Variants in XPR1 observed in about 807,000 individuals in gnomAD.
The protein encoded by XPR1 is xenotropic and polytropic retrovirus receptor 1.
Under a neutral mutation model 87.5 loss-of-function variants are expected in XPR1, and 28 were observed. That is an observed-to-expected ratio of 0.32 (90% CI 0.24 to 0.44). XPR1 has a LOEUF of 0.44. Among genes scored for constraint, XPR1 ranks in the 20% least tolerant of loss-of-function variants. The pLI is 1.00. For missense variants in XPR1, 559 were observed against 862.3 expected, an observed-to-expected ratio of 0.65 and a Z score of 4.41; for synonymous variants, 300 against 306.1, an observed-to-expected ratio of 0.98 and a Z score of 0.21.
intron 2 of XPR1, among the ~76,000 whole-genome samples, chr1:180,689,670 A>G (rs1656913729): frequency 6.6e-6 from 1 of 152,216 alleles, no homozygotes. Flanking sequence ...AACATCAGGC[A>G]TAAACTAGAG....
At chr1:180,869,566 G>T (rs1389523476) in intron 12 of XPR1, among the ~76,000 whole-genome samples, 532 of 107,030 alleles carry the variant, frequency 5.0e-3, no homozygotes, top group Non-Finnish European at 5.6e-3. Context: ...GTCGAGGAAT[G>T]TATCCATTTC....
At chr1:180,800,587 A>G (rs769688933) in intron 3 of XPR1, among the ~76,000 whole-genome samples, 1 of 152,220 alleles carries the variant, frequency 6.6e-6, no homozygotes, top group Non-Finnish European at 1.5e-5. Context: ...TTGGACTTCT[A>G]ACCTACAAAA....
intron 1 of XPR1, among the ~76,000 whole-genome samples, chr1:180,646,331 T>C (rs1213643697): frequency 6.6e-6 from 1 of 152,140 alleles, no homozygotes. Flanking sequence ...AGAATGATGC[T>C]CTCAGTGCAG....
intron 9 of XPR1, among the ~76,000 whole-genome samples, chr1:180,827,574 G>A (rs1366243747): frequency 3.3e-5 from 5 of 152,110 alleles, no homozygotes; most frequent in Non-Finnish European, 5.9e-5. Flanking sequence ...GGTATAAGCA[G>A]TAATAGAATA....
At chr1:180,862,611 T>C (rs185029784) in intron 11 of XPR1, among the ~76,000 whole-genome samples, 5 of 152,240 alleles carry the variant, frequency 3.3e-5, no homozygotes, top group African/African-American at 1.2e-4. Flanking sequence ...AATTTATCAA[T>C]TTATAATGAA....
intron 2 of XPR1, among the ~76,000 whole-genome samples, chr1:180,683,053 T>C (rs1006126618): frequency 6.6e-6 from 1 of 152,076 alleles, no homozygotes; most frequent in Non-Finnish European, 1.5e-5. Flanking sequence ...ACATGTGCCA[T>C]GTTGGTGTGC....
intron 3 of XPR1, among the ~76,000 whole-genome samples, chr1:180,792,608 A>G (rs1324562601): frequency 1.3e-5 from 2 of 152,212 alleles, no homozygotes; most frequent in Non-Finnish European, 2.9e-5. Flanking sequence ...ATTTAGATTT[A>G]TAGATAAAAT....
chr1:180,758,175 A>G (rs1647835023), intron 2 of XPR1, among the ~76,000 whole-genome samples: 2 of 150,080 alleles, frequency 1.3e-5, no homozygotes, highest in Admixed American at 6.7e-5. Context: ...AAAAAGAATG[A>G]AATCCTGTCC....
intron 6 of XPR1, among the ~76,000 whole-genome samples, chr1:180,809,463 A>G (rs1650130593): frequency 6.6e-6 from 1 of 152,246 alleles, no homozygotes; most frequent in Non-Finnish European, 1.5e-5. Flanking sequence ...TCCTAAGCAT[A>G]TTATTGTCAA....
chr1:180,716,300 A>C (rs192885555), intron 2 of XPR1, among the ~76,000 whole-genome samples: 1 of 151,450 alleles, frequency 6.6e-6, no homozygotes, highest in African/African-American at 2.4e-5. Flanking sequence ...TGTTGCCCAG[A>C]CTGGTCTTGA....
chr1:180,793,737 A>G (rs916426133), intron 3 of XPR1, among the ~76,000 whole-genome samples: 2 of 152,192 alleles, frequency 1.3e-5, no homozygotes, highest in African/African-American at 4.8e-5. Flanking sequence ...TACAATTACA[A>G]TATTTATATT....
chr1:180,874,791 C>T (rs181462955), intron 13 of XPR1, among the ~76,000 whole-genome samples: 5 of 152,258 alleles, frequency 3.3e-5, no homozygotes. Context: ...ACTAACACTA[C>T]CTTTGCACTA....
At chr1:180,850,342 T>C (rs1651826620) in intron 11 of XPR1, among the ~76,000 whole-genome samples, 1 of 152,218 alleles carries the variant, frequency 6.6e-6, no homozygotes, top group South Asian at 2.1e-4. Context: ...TCCTTCTCTC[T>C]GTGCCTATCT....
chr1:180,853,086 C>T (rs1250458108), intron 11 of XPR1, among the ~76,000 whole-genome samples: 1 of 152,056 alleles, frequency 6.6e-6, no homozygotes, highest in African/African-American at 2.4e-5. Context: ...GCACACCAAG[C>T]CCAGTTAATT....
intron 2 of XPR1, among the ~76,000 whole-genome samples, chr1:180,767,145 T>C (rs567953903): frequency 1.3e-5 from 2 of 152,322 alleles, no homozygotes; most frequent in East Asian, 1.9e-4. Flanking sequence ...ATCCTACTAA[T>C]TGAGTTCCAG....
intron 1 of XPR1, among the ~76,000 whole-genome samples, chr1:180,645,520 A>C (rs1355745852): frequency 6.6e-6 from 1 of 152,182 alleles, no homozygotes; most frequent in Non-Finnish European, 1.5e-5. Flanking sequence ...CACACAAGTT[A>C]AGTTTTGCGA....
rs80022443 is a variant in XPR1 at position 180,880,940 on chromosome 1, G to C, written c.2030+643G>C. Among the ~76,000 whole-genome samples the C allele has an allele frequency of 1.6e-3, 249 of 152,302 alleles. 1 individual carries two copies. The highest frequency in any genetic ancestry group is 5.7e-3 in the African/African-American group (235 of 41,564). ...AAATTTAGAGACAATAGATAGCACA[G>C]TAGATTGGAATGAAGGAGGCTTAGG... On this transcript the variant is annotated intron_variant, in intron 14 of 14. Coordinates refer to ENST00000367590, the MANE Select transcript of XPR1 (RefSeq NM_004736.4).
chr1:180,818,353 C>T (rs1212114509), intron 7 of XPR1, among the ~76,000 whole-genome samples: 3 of 145,976 alleles, frequency 2.1e-5, no homozygotes, highest in African/African-American at 7.7e-5. Context: ...TAAACAGGTA[C>T]ATATTTGCTT....
At chr1:180,873,751 AT>A in intron 12 of XPR1, 51 bp from the exon 13 acceptor site, 1 of 1,593,798 alleles carries the variant, frequency 6.3e-7, no homozygotes, top group Non-Finnish European at 8.6e-7. Context: ...TGGTATGCCT[AT>A]TTATGAGAAA....
Sources: gnomAD v4.1 joint callset for allele counts (sites outside exome capture counted in the v4.1 genomes callset) on GRCh38, gnomAD v4.1.1 for gene constraint, MANE v1.5 for transcripts, NCBI Gene and HGNC (gene_info 2026-07-23, HGNC 2026-07-21) for gene names.